RBM28: variants seen among roughly 807,000 people sequenced by gnomAD.
RBM28 encodes RNA binding motif protein 28.
RBM28 carries 78 observed loss-of-function variants against 98.3 expected under a neutral mutation model. The observed-to-expected ratio is 0.79, with a 90% CI of 0.66 to 0.96. The LOEUF is 0.96. RBM28 is among the 40% of genes least tolerant of loss of function. The probability of loss-of-function intolerance (pLI) is 0.00; values close to 1 mark genes in which losing one functional copy is unlikely to be tolerated. For synonymous variants in RBM28, 306 were observed against 330.9 expected (o/e 0.92, Z 0.82); for missense variants, 838 against 913.0 (o/e 0.92, Z 1.06).
intron 17 of RBM28, 147 bp downstream of exon 17, chr7:128,314,617 C>T: frequency 1.5e-6 from 2 of 1,345,948 alleles, no homozygotes; most frequent in South Asian, 1.2e-5. Flanking sequence ...GTGTTGAAGA[C>T]TCGCGTGTTA....
At chr7:128,328,802 G>C (rs955937623) in intron 10 of RBM28, among the ~76,000 whole-genome samples, 1 of 152,270 alleles carries the variant, frequency 6.6e-6, no homozygotes, top group Non-Finnish European at 1.5e-5. Context: ...GGTACCTTAA[G>C]TGATTACTCA....
rs1335735638 is a variant in RBM28, at chr7:128,309,168, A to G, written c.*1629T>C. On this transcript the variant is annotated 3_prime_UTR_variant, in exon 19 of 19. Transcript: ENST00000223073. ...TTCATTCAACAAATATTTATTCAAT[A>G]CTTACTACGTGCCTGGGTCAGTACT... The G allele has an allele frequency of 3.9e-5, 6 of 152,036 alleles. No individual in the cohort carries two copies. Among genetic ancestry groups the G allele is most frequent in the Admixed American group, 3.9e-4 (6 of 15,260 alleles). 9.4% of individuals were successfully genotyped at this position (152,036 alleles called of 1,614,324 possible).
rs565572818 is a variant in RBM28, at chr7:128,336,697, C to T, written c.613+434G>A. On this transcript the variant is annotated intron_variant, in intron 6 of 18. Transcript: ENST00000223073. ...AGGAATTCAGAGTTTTCCCTGAAAGCCCAGTCTCATTCTTTTGGTTAATCT... is the reference window on the plus strand; with the variant it reads ...AGGAATTCAGAGTTTTCCCTGAAAGTCCAGTCTCATTCTTTTGGTTAATCT... 3.9e-5 allele frequency among the ~76,000 whole-genome samples: 6 copies of T among 152,312 alleles called. No homozygotes were observed. In the South Asian group the frequency reaches 1.2e-3, roughly 32 times the overall value.
intron 9 of RBM28, among the ~76,000 whole-genome samples, chr7:128,332,255 G>T (rs1259686737): frequency 6.6e-6 from 1 of 152,124 alleles, no homozygotes; most frequent in Non-Finnish European, 1.5e-5. Flanking sequence ...GGCATGTAGT[G>T]TAGATGTTCT....
intron 13 of RBM28, 108 bp downstream of exon 13, chr7:128,323,419 T>C: frequency 7.7e-7 from 1 of 1,294,368 alleles, no homozygotes; most frequent in Non-Finnish European, 1.1e-6. Context: ...ATAAGTATGG[T>C]CTGTGACCAT....
In RBM28 at chr7:128,318,023, C is replaced by A; in HGVS notation, c.1647G>T (p.Glu549Asp). Residue 549 changes from glutamate to aspartate, a missense_variant, in exon 15 of 19, where the codon GAG becomes GAT. Physicochemically the swap from Glu to Asp is conservative, Grantham distance 45. Coordinates refer to ENST00000223073, the MANE Select transcript of RBM28 (RefSeq NM_018077.3). ...SLGYAFAEFQ[E>D]HEHALKALRL... ...GGAGGGCTTTCAGGGCATGCTCGTG[C>A]TCTTGGAACTCCGCAAAGGCGTAGC... The A allele has an allele frequency of 6.2e-7, 1 of 1,614,216 alleles. No homozygotes were observed. Among genetic ancestry groups the A allele is most frequent in the Non-Finnish European group, 8.5e-7 (1 of 1,180,028 alleles).
rs777799508 is a variant in RBM28 at position 128,300,896 on chromosome 7, A to T, written c.*9901T>A. 8 of 152,306 alleles carry T rather than the reference A, an allele frequency of 5.3e-5. No homozygotes were observed. The highest frequency in any genetic ancestry group is 8.8e-5 in the Non-Finnish European group (6 of 68,126). 9.4% of individuals were successfully genotyped at this position (152,306 alleles called of 1,614,324 possible). ...CACCCCTAGGGCCTGCTTAAATGGC[A>T]CAGCCAGCTCCTCAGAGAGACAGGA... On this transcript the variant is annotated 3_prime_UTR_variant, in exon 19 of 19. Transcript: ENST00000223073.
chr7:128,298,251 G>A lies in RBM28; in HGVS notation c.*12546C>T, dbSNP rs1795733862. ...CTTTGTTCTGCTTTTGCCCTTTGAAGCATGTGATCTTTGTACCTACTCCCT... is the reference window on the plus strand; with the variant it reads ...CTTTGTTCTGCTTTTGCCCTTTGAAACATGTGATCTTTGTACCTACTCCCT... On this transcript the variant is annotated 3_prime_UTR_variant, in exon 19 of 19. Coordinates refer to ENST00000223073, the MANE Select transcript of RBM28 (RefSeq NM_018077.3). 6.6e-6 allele frequency: 1 copy of A among 152,108 alleles called. No individual in the cohort carries two copies. The highest frequency in any genetic ancestry group is 2.1e-4 in the South Asian group (1 of 4,820). 9.4% of individuals were successfully genotyped at this position (152,108 alleles called of 1,614,324 possible).
In RBM28 at chr7:128,338,382, G is replaced by A. The variant is rs1196734776; in HGVS notation, c.449-40C>T. The A allele has an allele frequency of 7.2e-6, 11 of 1,524,274 alleles. No homozygotes were observed. The Admixed American group carries it at 8.3e-5, about 12-fold the overall frequency. 94.4% of individuals were successfully genotyped at this position (1,524,274 alleles called of 1,614,324 possible). A position where few individuals can be genotyped will look rare whatever the true frequency, so the allele number is the denominator to read the frequency against. ...ACAAAGAAAGAAGTGAGAGGCAGCA[G>A]GAGGTAGCCAGAATACTAAGAAGTA... On this transcript the variant is annotated intron_variant, in intron 4 of 18. Transcript: ENST00000223073.
intron 1 of RBM28, among the ~76,000 whole-genome samples, 198 bp from the exon 2 acceptor site, chr7:128,339,989 T>G (rs771265128): frequency 1.1e-4 from 16 of 152,180 alleles, no homozygotes; most frequent in Non-Finnish European, 2.1e-4. Flanking sequence ...CCCACTTTGC[T>G]TAGAAACTGT....
At position 128,335,688 on chromosome 7, in the gene RBM28, G is replaced by C; in HGVS notation, c.810-9C>G. ...CTGGTCTCTTGACTGCTCTGCAATG[G>C]CACAGATCAGAACTAAGGAGGTGGG... On this transcript the variant is annotated splice_polypyrimidine_tract_variant and intron_variant, in intron 7 of 18. Coordinates refer to ENST00000223073, the MANE Select transcript of RBM28 (RefSeq NM_018077.3). The C allele has an allele frequency of 6.2e-7, 1 of 1,614,054 alleles. No homozygotes were observed. Among genetic ancestry groups the C allele is most frequent in the Non-Finnish European group, 8.5e-7 (1 of 1,180,014 alleles).
intron 1 of RBM28, among the ~76,000 whole-genome samples, chr7:128,342,713 A>G (rs1355657377): frequency 2.0e-5 from 3 of 151,926 alleles, no homozygotes; most frequent in African/African-American, 7.3e-5. Context: ...ATGATCTGCT[A>G]CTCTAGATCT....
At chr7:128,312,994 G>C (rs747527904) in intron 18 of RBM28, 181 bp downstream of exon 18, 1 of 644,056 alleles carries the variant, frequency 1.6e-6, no homozygotes, top group African/African-American at 1.8e-5. Context: ...GATACGTGGA[G>C]GTTCATTTTA....
Position 128,333,360 on chromosome 7 carries a change from C to T in RBM28, c.949G>A (p.Val317Met). The T allele has an allele frequency of 1.3e-6, 2 of 1,593,958 alleles. No individual in the cohort carries two copies. The highest frequency in any genetic ancestry group is 1.7e-6 in the Non-Finnish European group (2 of 1,161,818). The change falls in exon 9 of 19, where the codon GTG (valine) becomes ATG (methionine). Residue 317 changes from valine (V) to methionine (M), a missense_variant and splice_region_variant. Val to Met is a conservative substitution (Grantham distance 21, BLOSUM62 1). Coordinates refer to ENST00000223073, the MANE Select transcript of RBM28 (RefSeq NM_018077.3). ...TSTEEQEDKA[V>M]QVSNKKKRKL... ...CTCTTCTTTTTGTTTGAGACTTGCA[C>T]AGCTAAGGTAAAAAGAAAAACAACA...
chr7:128,310,027 G>C lies in RBM28; in HGVS notation c.*770C>G, dbSNP rs1795946739. The C allele has an allele frequency of 6.6e-6, 1 of 152,244 alleles. No homozygotes were observed. Among genetic ancestry groups the C allele is most frequent in the Admixed American group, 6.5e-5 (1 of 15,288 alleles). The allele number at this position is 152,244 out of a possible 1,614,324, so 9.4% of individuals were successfully genotyped here. A position where few individuals can be genotyped will look rare whatever the true frequency, so the allele number is the denominator to read the frequency against. ...TTCAGTAGGTGTGAAGCCATCTTAA[G>C]GGGCAGACTTAATGAGGATCAAGTG... On this transcript the variant is annotated 3_prime_UTR_variant, in exon 19 of 19. Coordinates refer to ENST00000223073, the MANE Select transcript of RBM28 (RefSeq NM_018077.3).
At chr7:128,317,781 C>T in intron 15 of RBM28, 48 bp from the exon 16 acceptor site, 1 of 1,497,576 alleles carries the variant, frequency 6.7e-7, no homozygotes, top group Non-Finnish European at 9.3e-7. Context: ...TTAATCTGTG[C>T]ATGCAATGAG....
chr7:128,302,194 G>A lies in RBM28; in HGVS notation c.*8603C>T, dbSNP rs1795790605. 1 of 152,224 alleles carries A rather than the reference G, an allele frequency of 6.6e-6. No individual in the cohort carries two copies. Among genetic ancestry groups the A allele is most frequent in the South Asian group, 2.1e-4 (1 of 4,824 alleles). The allele number at this position is 152,224 out of a possible 1,614,324, so 9.4% of individuals were successfully genotyped here. A position where few individuals can be genotyped will look rare whatever the true frequency, so the allele number is the denominator to read the frequency against. On this transcript the variant is annotated 3_prime_UTR_variant, in exon 19 of 19. Transcript: ENST00000223073. The stretch of plus-strand genomic sequence containing the variant: ...CCGTCCTATTGCAGAGAGGGAGAGA[G>A]CAGAGACAAATGGTGATTCTAAGAA...
chr7:128,343,618 G>A (rs1263623973), intron 1 of RBM28, 58 bp downstream of exon 1: 2 of 1,309,180 alleles, frequency 1.5e-6, no homozygotes, highest in Non-Finnish European at 2.1e-6. Flanking sequence ...CTGAAGTTTG[G>A]GAAGGTGCCC....
rs1795859728 is a variant in RBM28, at chr7:128,305,981, CA to C, written c.*4815del. ...GTACATCCTTTACCACCATTATCCT[CA>C]ATCACCAATCACTAAGCATTGCCAT... On this transcript the variant is annotated 3_prime_UTR_variant, in exon 19 of 19. Coordinates refer to ENST00000223073, the MANE Select transcript of RBM28 (RefSeq NM_018077.3). 6.6e-6 allele frequency: 1 copy of C among 152,390 alleles called. No individual in the cohort carries two copies. Among genetic ancestry groups the C allele is most frequent in the East Asian group, 1.9e-4 (1 of 5,180 alleles). The allele number at this position is 152,390 out of a possible 1,614,324, so 9.4% of individuals were successfully genotyped here.
Sources: gnomAD v4.1 joint callset for allele counts (sites outside exome capture counted in the v4.1 genomes callset) on GRCh38, gnomAD v4.1.1 for gene constraint, MANE v1.5 for transcripts, NCBI Gene and HGNC (gene_info 2026-07-23, HGNC 2026-07-21) for gene names.